FAM107B: variants seen among roughly 807,000 people sequenced by gnomAD.
FAM107B encodes family with sequence similarity 107 member B.
FAM107B carries 21 observed loss-of-function variants against 31.5 expected under a neutral mutation model. That is an observed-to-expected ratio of 0.67 (90% CI 0.47 to 0.96). The LOEUF (loss-of-function observed/expected upper bound fraction) is 0.96. FAM107B is among the 40% of genes least tolerant of loss of function. The probability of loss-of-function intolerance (pLI) is 0.00; values close to 1 mark genes in which losing one functional copy is unlikely to be tolerated. For synonymous variants in FAM107B, 157 were observed against 141.5 expected (o/e 1.11, Z -0.78); for missense variants, 452 against 377.1 (o/e 1.20, Z -1.64).
intron 1 of FAM107B, among the ~76,000 whole-genome samples, chr10:14,692,689 T>A (rs544316292): frequency 6.6e-6 from 1 of 152,328 alleles, no homozygotes; most frequent in South Asian, 2.1e-4. Context: ...TGATAAATTG[T>A]CACTCTTCCT....
chr10:14,676,723 G>A (rs769517302), intron 1 of FAM107B, among the ~76,000 whole-genome samples: 7 of 152,176 alleles, frequency 4.6e-5, no homozygotes, highest in Non-Finnish European at 7.3e-5. Context: ...CTGTATGTGT[G>A]CACTTAATCC....
At chr10:14,668,176 G>A (rs1854455301) in intron 1 of FAM107B, among the ~76,000 whole-genome samples, 1 of 152,060 alleles carries the variant, frequency 6.6e-6, no homozygotes, top group African/African-American at 2.4e-5. Context: ...TAAGTAGCTA[G>A]GATTACAGGC....
rs1284497052 is a variant in FAM107B at position 14,650,440 on chromosome 10, C to A, written c.469+17194G>T. 2.6e-5 allele frequency among the ~76,000 whole-genome samples: 4 copies of A among 152,218 alleles called. No homozygotes were observed. In the East Asian group the frequency reaches 7.7e-4, roughly 29 times the overall value. On this transcript the variant is annotated intron_variant, in intron 2 of 4. Transcript: ENST00000181796. Reference sequence around the variant, plus strand: ...AGCTGGGATTACAGGTACCCACCACCATGCCTGGCTCATTTTTGTATTTTA... The same window carrying A: ...AGCTGGGATTACAGGTACCCACCACAATGCCTGGCTCATTTTTGTATTTTA...
At chr10:14,745,762 G>A (rs908815840) in intron 1 of FAM107B, among the ~76,000 whole-genome samples, 1 of 152,148 alleles carries the variant, frequency 6.6e-6, no homozygotes, top group South Asian at 2.1e-4. Context: ...TTGCTGAGAA[G>A]AATGTATATT....
chr10:14,746,879 A>G (rs1486109534), intron 1 of FAM107B, among the ~76,000 whole-genome samples: 1 of 152,148 alleles, frequency 6.6e-6, no homozygotes, highest in Admixed American at 6.6e-5. Context: ...GATATCCTGA[A>G]GTATGTTTTC....
intron 1 of FAM107B, among the ~76,000 whole-genome samples, chr10:14,738,961 G>T (rs907009981): frequency 1.3e-5 from 2 of 152,176 alleles, no homozygotes; most frequent in African/African-American, 4.8e-5. Context: ...TCATGCATGT[G>T]CATCAGCTGG....
chr10:14,756,030 G>A (rs747695798), intron 1 of FAM107B, among the ~76,000 whole-genome samples: 4 of 152,112 alleles, frequency 2.6e-5, no homozygotes, highest in African/African-American at 9.7e-5. Context: ...AAGGGCAGGG[G>A]CTCTTTTTTT....
At chr10:14,638,200 T>C (rs1007018182) in intron 2 of FAM107B, among the ~76,000 whole-genome samples, 1 of 152,222 alleles carries the variant, frequency 6.6e-6, no homozygotes, top group Admixed American at 6.5e-5. Context: ...TTCTTTGTTT[T>C]TGGTCCCTGG....
intron 2 of FAM107B, among the ~76,000 whole-genome samples, chr10:14,556,717 G>A (rs1462986998): frequency 6.6e-6 from 1 of 152,220 alleles, no homozygotes; most frequent in African/African-American, 2.4e-5. Context: ...ATAGTTTTGT[G>A]GCTAAAACAA....
At chr10:14,773,739 G>A (rs1833356362) in intron 1 of FAM107B, among the ~76,000 whole-genome samples, 1 of 152,104 alleles carries the variant, frequency 6.6e-6, no homozygotes, top group African/African-American at 2.4e-5. Context: ...TTATAGGTCA[G>A]TTCCCTTCCG....
At chr10:14,616,155 C>T (rs1003065721) in intron 2 of FAM107B, among the ~76,000 whole-genome samples, 58 of 152,046 alleles carry the variant, frequency 3.8e-4, no homozygotes, top group African/African-American at 1.4e-3. Flanking sequence ...TATTGACCTG[C>T]TTGTGGATGA....
chr10:14,598,847 C>A (rs1852272635), intron 2 of FAM107B, among the ~76,000 whole-genome samples: 1 of 152,196 alleles, frequency 6.6e-6, no homozygotes, highest in South Asian at 2.1e-4. Context: ...ACCCAGGCGA[C>A]CTCACAGATG....
intron 2 of FAM107B, among the ~76,000 whole-genome samples, chr10:14,531,002 T>A (rs1308469984): frequency 6.6e-6 from 1 of 152,200 alleles, no homozygotes; most frequent in Non-Finnish European, 1.5e-5. Context: ...CACTGATGGT[T>A]ATTGGTCATA....
intron 3 of FAM107B, among the ~76,000 whole-genome samples, chr10:14,527,094 C>T (rs1272230414): frequency 6.6e-6 from 1 of 152,096 alleles, no homozygotes; most frequent in Non-Finnish European, 1.5e-5. Flanking sequence ...GCCTCGGCCT[C>T]CCAAAGTGCT....
intron 2 of FAM107B, among the ~76,000 whole-genome samples, chr10:14,573,318 T>C (rs540618293): frequency 2.0e-5 from 3 of 152,278 alleles, no homozygotes; most frequent in African/African-American, 7.2e-5. Flanking sequence ...AATGGAAGAC[T>C]TCGGCCCCCT....
chr10:14,681,453 C>T (rs745936604), intron 1 of FAM107B, among the ~76,000 whole-genome samples: 3 of 152,196 alleles, frequency 2.0e-5, no homozygotes, highest in Non-Finnish European at 2.9e-5. Flanking sequence ...CTCTGAGTCA[C>T]ATCCTTTCAG....
chr10:14,589,708 T>G (rs1174823489), intron 2 of FAM107B, among the ~76,000 whole-genome samples: 1 of 152,002 alleles, frequency 6.6e-6, no homozygotes, highest in African/African-American at 2.4e-5. Context: ...ATGCGGGGCT[T>G]AAAACCTAGA....
intron 1 of FAM107B, among the ~76,000 whole-genome samples, chr10:14,702,175 T>C (rs1315482028): frequency 3.3e-5 from 5 of 152,264 alleles, no homozygotes; most frequent in Non-Finnish European, 7.3e-5. Context: ...ATAGCTTGTT[T>C]ATGCTCATCC....
chr10:14,739,358 T>C (rs530448966), intron 1 of FAM107B, among the ~76,000 whole-genome samples: 110 of 152,178 alleles, frequency 7.2e-4, no homozygotes, highest in Non-Finnish European at 1.3e-3. Context: ...ATTGGACTGA[T>C]ACATAGAACT....
Sources: gnomAD v4.1 joint callset for allele counts (sites outside exome capture counted in the v4.1 genomes callset) on GRCh38, gnomAD v4.1.1 for gene constraint, MANE v1.5 for transcripts, NCBI Gene and HGNC (gene_info 2026-07-23, HGNC 2026-07-21) for gene names.